The following RFNG variants were observed in gnomAD, a reference collection of about 807,000 sequenced individuals.
The protein encoded by RFNG is RFNG O-fucosylpeptide 3-beta-N-acetylglucosaminyltransferase.
A neutral mutation model predicts 29.6 loss-of-function variants in RFNG; 37 were observed. The observed-to-expected ratio is 1.25, with a 90% CI of 0.96 to 1.65. RFNG has a LOEUF of 1.65. Ranked by LOEUF, RFNG falls within the 40% of genes most tolerant of loss-of-function variation. The pLI is 0.00. For missense variants in RFNG, 546 were observed against 457.0 expected (o/e 1.19, Z -1.78); for synonymous variants, 276 against 197.3 (o/e 1.40, Z -3.34).
rs775336012 is a variant in RFNG at position 82,049,968 on chromosome 17, G to A, written c.612C>T (p.Ala204=). The change falls in exon 5 of 8, where the codon GCC becomes GCT. Residue 204 remains alanine (A), a synonymous_variant. Coordinates refer to ENST00000310496, the MANE Select transcript of RFNG (RefSeq NM_002917.2). ...CAAGGCCTCTGCTGAGGCAGAACCC[G>A]GCCCCACCAGTAGCAAACCAGAACT... ...TVKFWFATGG[A]GFCLSRGLAL... 5.0e-5 allele frequency: 80 copies of A among 1,612,294 alleles called. No individual in the cohort carries two copies. The highest frequency in any genetic ancestry group is 6.4e-5 in the Non-Finnish European group (75 of 1,179,700).
Position 82,051,510 on chromosome 17 carries a change from G to A in RFNG, c.257C>T (p.Ala86Val). Residue 86 changes from alanine to valine, a missense_variant, in exon 1 of 8, where the codon GCC becomes GTC. Coordinates refer to ENST00000310496, the MANE Select transcript of RFNG (RefSeq NM_002917.2). The surrounding 1 kb of genome is among the most constrained non-coding windows in gnomAD (Gnocchi z 4.1). ...CGGGGTCCGGCGCACCTGCTGGCGG[G>A]CCCGGGAGATCCAGGTGCGCAGCAG... is the stretch of plus-strand genomic sequence containing the variant. ...RLLLRTWISR[A>V]RQQTFIFTDG... The A allele has an allele frequency of 1.4e-6, 2 of 1,391,398 alleles. No homozygotes were observed. The highest frequency in any genetic ancestry group is 1.6e-5 in the South Asian group (1 of 63,024). The allele number at this position is 1,391,398 out of a possible 1,614,324, so 86.2% of individuals were successfully genotyped here.
In RFNG at chr17:82,051,439, G is replaced by C; in HGVS notation, c.267+61C>G. On this transcript the variant is annotated intron_variant, in intron 1 of 7. Coordinates refer to ENST00000310496, the MANE Select transcript of RFNG (RefSeq NM_002917.2). The surrounding 1 kb of genome is among the most constrained non-coding windows in gnomAD (Gnocchi z 4.1). ...CCTCCGGGGGCCTGGGCCGGGCCTA[G>C]ACCCTGGGAGGCGGGGCGGGTGGGC... 7.4e-7 allele frequency: 1 copy of C among 1,356,512 alleles called. No homozygotes were observed. Among genetic ancestry groups the C allele is most frequent in the Non-Finnish European group, 9.5e-7 (1 of 1,052,704 alleles). 84.0% of individuals were successfully genotyped at this position (1,356,512 alleles called of 1,614,324 possible).
In RFNG at chr17:82,048,773, T is replaced by C. The variant is rs1187821563; in HGVS notation, c.949A>G (p.Thr317Ala). The change falls in exon 8 of 8, where the codon ACG becomes GCG. Residue 317 changes from threonine to alanine, a missense_variant. Coordinates refer to ENST00000310496, the MANE Select transcript of RFNG (RefSeq NM_002917.2). ...KSIHCLLYPD[T>A]DWCPRQKQGA... ...TGTTTCTGCCTGGGACACCAGTCCG[T>C]GTCTGGGTACAGAAGACAATGGATA... 3.1e-6 allele frequency: 5 copies of C among 1,613,008 alleles called. No homozygotes were observed. In the East Asian group the frequency reaches 8.9e-5, roughly 29 times the overall value.
At chr17:82,050,136 G>A (rs1344409623) in intron 4 of RFNG, 130 bp from the exon 5 acceptor site, 3 of 903,966 alleles carry the variant, frequency 3.3e-6, no homozygotes, top group Admixed American at 2.4e-5. Flanking sequence ...AAGCTTCTTG[G>A]AGCAAAAAGA....
At chr17:82,049,354 T>C in intron 6 of RFNG, 2 of 694,608 alleles carry the variant, frequency 2.9e-6, no homozygotes, top group Non-Finnish European at 5.3e-6. Context: ...CTGACCCTCA[T>C]TCCCTCCCTG....
At position 82,050,730 on chromosome 17, in the gene RFNG, C is replaced by A. The variant is rs1277872446; in HGVS notation, c.351G>T (p.Val117=). The A allele has an allele frequency of 1.9e-6, 3 of 1,613,056 alleles. No homozygotes were observed. Among genetic ancestry groups the A allele is most frequent in the Non-Finnish European group, 8.5e-7 (1 of 1,179,958 alleles). The change falls in exon 3 of 8, where the codon GTG becomes GTT. Residue 117 remains valine, a synonymous_variant. Transcript: ENST00000310496. Reference sequence around the variant, plus strand: ...TGCAGCAGAGGGCCTGACGAGTGCGCACCGCCGAGCAGTTGGTGTTGATGA... The same window carrying A: ...TGCAGCAGAGGGCCTGACGAGTGCGAACCGCCGAGCAGTTGGTGTTGATGA... ...DRVINTNCSA[V]RTRQALCCKM...
chr17:82,048,834 G>A (rs753586779), intron 7 of RFNG, 27 bp from the exon 8 acceptor site: 12 of 1,592,632 alleles, frequency 7.5e-6, no homozygotes, highest in Non-Finnish European at 9.5e-6. Flanking sequence ...TAGGGGTCAG[G>A]GCCGTGGGCG....
chr17:82,048,603 G>A lies in RFNG; in HGVS notation c.*123C>T, dbSNP rs2030067436. On this transcript the variant is annotated 3_prime_UTR_variant, in exon 8 of 8. Transcript: ENST00000310496. ...GGGCTGCAGGCTAGCCAGAGGGTCT[G>A]CCAGGTGCCTGCATCTCACTGGTGT... is the stretch of plus-strand genomic sequence containing the variant. 24 of 768,234 alleles carry A rather than the reference G, an allele frequency of 3.1e-5. No individual in the cohort carries two copies. The highest frequency in any genetic ancestry group is 5.0e-5 in the Non-Finnish European group (22 of 443,866). 47.6% of individuals were successfully genotyped at this position (768,234 alleles called of 1,614,324 possible).
Position 82,049,040 on chromosome 17 carries a change from T to C in RFNG, c.905A>G (p.Asp302Gly). 1 of 1,613,136 alleles carries C rather than the reference T, an allele frequency of 6.2e-7. No homozygotes were observed. Among genetic ancestry groups the C allele is most frequent in the Admixed American group, 1.7e-5 (1 of 60,008 alleles). Residue 302 changes from aspartate to glycine, a missense_variant, in exon 7 of 8, where the codon GAC becomes GGC. Transcript: ENST00000310496. ...NVAGGFSLHQDPTRFKSIHCL... is the reference protein window; with the variant it reads ...NVAGGFSLHQGPTRFKSIHCL... ...GCCACTACCTACTCACCGTGTGGGG[T>C]CTTGATGCAGGCTGAAGCCTCCAGC...
rs1330327987 is a variant in RFNG at position 82,049,018 on chromosome 17, A to G, written c.914+13T>C. The G allele has an allele frequency of 6.2e-7, 1 of 1,612,466 alleles. No individual in the cohort carries two copies. Among genetic ancestry groups the G allele is most frequent in the Non-Finnish European group, 8.5e-7 (1 of 1,179,514 alleles). ...GCGGGGCCGAGGGCCTGCCCATGCCACTACCTACTCACCGTGTGGGGTCTT... is the reference window on the plus strand; with the variant it reads ...GCGGGGCCGAGGGCCTGCCCATGCCGCTACCTACTCACCGTGTGGGGTCTT... On this transcript the variant is annotated intron_variant, in intron 7 of 7. Transcript: ENST00000310496.
chr17:82,050,125 G>A (rs1415928742), intron 4 of RFNG, 119 bp from the exon 5 acceptor site: 11 of 965,914 alleles, frequency 1.1e-5, no homozygotes, highest in African/African-American at 1.6e-5. Flanking sequence ...CCAGGTAACA[G>A]AAGCTTCTTG....
intron 7 of RFNG, 36 bp from the exon 8 acceptor site, chr17:82,048,843 CGG>C: frequency 3.2e-6 from 5 of 1,568,038 alleles, no homozygotes; most frequent in Admixed American, 3.4e-5. Flanking sequence ...GGGCCGTGGG[CGG>C]AGAGAGAAGC....
At position 82,048,646 on chromosome 17, in the gene RFNG, G is replaced by A; in HGVS notation, c.*80C>T. The stretch of plus-strand genomic sequence containing the variant: ...ACTGGTGTGGCCGTGGCACCTGAGG[G>A]AGCCCACTGAGCCCATAGGGGGCTC... On this transcript the variant is annotated 3_prime_UTR_variant, in exon 8 of 8. Coordinates refer to ENST00000310496, the MANE Select transcript of RFNG (RefSeq NM_002917.2). 1 of 1,137,108 alleles carries A rather than the reference G, an allele frequency of 8.8e-7. No individual in the cohort carries two copies. The highest frequency in any genetic ancestry group is 1.3e-6 in the Non-Finnish European group (1 of 759,924). 70.4% of individuals were successfully genotyped at this position (1,137,108 alleles called of 1,614,324 possible). A position where few individuals can be genotyped will look rare whatever the true frequency, so the allele number is the denominator to read the frequency against.
chr17:82,051,160 A>G lies in RFNG; in HGVS notation c.316+134T>C. The G allele has an allele frequency of 7.7e-7, 1 of 1,306,486 alleles. No individual in the cohort carries two copies. The highest frequency in any genetic ancestry group is 9.7e-7 in the Non-Finnish European group (1 of 1,026,878). 80.9% of individuals were successfully genotyped at this position (1,306,486 alleles called of 1,614,324 possible). A position where few individuals can be genotyped will look rare whatever the true frequency, so the allele number is the denominator to read the frequency against. On this transcript the variant is annotated intron_variant, in intron 2 of 7. Transcript: ENST00000310496. This position sits in a 1 kb window ranked among gnomAD's most constrained non-coding sequence, Gnocchi z 4.1. ...CCTCCGCAGGCCGCGTGACCTGGGCAGCGTCGGGGCCTCCCCGGGCCTCGG... is the reference window on the plus strand; with the variant it reads ...CCTCCGCAGGCCGCGTGACCTGGGCGGCGTCGGGGCCTCCCCGGGCCTCGG...
chr17:82,050,577 G>A (rs1019702624), intron 3 of RFNG, 22 bp from the exon 4 acceptor site: 1 of 1,608,956 alleles, frequency 6.2e-7, no homozygotes, highest in Non-Finnish European at 8.5e-7. Context: ...GGGAGTCCTG[G>A]GCACGAGGGC....
At chr17:82,049,893 C>A in intron 5 of RFNG, 25 bp downstream of exon 5, 1 of 1,611,190 alleles carries the variant, frequency 6.2e-7, no homozygotes. Flanking sequence ...CGCCTCCCAG[C>A]CCGGGCAGCT....
Position 82,050,707 on chromosome 17 carries a change from C to T in RFNG, c.374G>A (p.Cys125Tyr), listed in dbSNP as rs368526938. ...CTTGTCATACTCCACGGACATCTTG[C>T]AGCAGAGGGCCTGACGAGTGCGCAC... ...SAVRTRQALC[C>Y]KMSVEYDKFI... The change falls in exon 3 of 8, where the codon TGC (cysteine) becomes TAC (tyrosine). Residue 125 changes from cysteine to tyrosine, a missense_variant. By Grantham distance (194) the Cys-to-Tyr change is radical (BLOSUM62 -2). Coordinates refer to ENST00000310496, the MANE Select transcript of RFNG (RefSeq NM_002917.2). 13 of 1,613,186 alleles carry T rather than the reference C, an allele frequency of 8.1e-6. No individual in the cohort carries two copies. The highest frequency in any genetic ancestry group is 1.1e-5 in the Non-Finnish European group (13 of 1,179,976).
In RFNG at chr17:82,050,720, G is replaced by A. The variant is rs1466791581; in HGVS notation, c.361C>T (p.Gln121Ter). ...ACGGACATCTTGCAGCAGAGGGCCT[G>A]ACGAGTGCGCACCGCCGAGCAGTTG... is the stretch of plus-strand genomic sequence containing the variant. ...NTNCSAVRTRQALCCKMSVEY... is the reference protein window; with the variant it reads ...NTNCSAVRTR The change falls in exon 3 of 8, where the codon CAG (glutamine) becomes TAG (stop). Residue 121 changes from glutamine (Q) to a stop codon, truncating the protein, a stop_gained. Transcript: ENST00000310496. LOFTEE classifies it high-confidence loss of function. 2.5e-6 allele frequency: 4 copies of A among 1,613,256 alleles called. No individual in the cohort carries two copies. The highest frequency in any genetic ancestry group is 2.5e-6 in the Non-Finnish European group (3 of 1,179,968).
rs942635527 is a variant in RFNG, at chr17:82,048,662, T to C, written c.*64A>G. 8.1e-6 allele frequency: 11 copies of C among 1,351,084 alleles called. No individual in the cohort carries two copies. The highest frequency in any genetic ancestry group is 4.3e-5 in the African/African-American group (3 of 69,622). 83.7% of individuals were successfully genotyped at this position (1,351,084 alleles called of 1,614,324 possible). A position where few individuals can be genotyped will look rare whatever the true frequency, so the allele number is the denominator to read the frequency against. On this transcript the variant is annotated 3_prime_UTR_variant, in exon 8 of 8. Coordinates refer to ENST00000310496, the MANE Select transcript of RFNG (RefSeq NM_002917.2). ...CACCTGAGGGAGCCCACTGAGCCCA[T>C]AGGGGGCTCTGGTTCCCCGCGCCTG...
Sources: allele counts gnomAD v4.1 joint callset, GRCh38; gene constraint gnomAD v4.1.1; non-coding constraint Gnocchi (gnomAD v3.1); transcripts MANE v1.5; gene names NCBI Gene and HGNC (gene_info 2026-07-23, HGNC 2026-07-21).